The following SV2C variants were observed in gnomAD, a reference collection of about 807,000 sequenced individuals.
SV2C encodes synaptic vesicle glycoprotein 2C.
A neutral mutation model predicts 79.7 loss-of-function variants in SV2C; 49 were observed. The ratio of observed to expected loss-of-function variants is 0.61; its 90% CI spans 0.49 to 0.78. The LOEUF (loss-of-function observed/expected upper bound fraction) is 0.78, where lower values mean the gene tolerates loss of function less well. SV2C is among the 30% of genes least tolerant of loss of function. The pLI is 0.00. For missense variants in SV2C, 833 were observed against 912.9 expected, an observed-to-expected ratio of 0.91 and a Z score of 1.13; for synonymous variants, 334 against 333.2, an observed-to-expected ratio of 1.00 and a Z score of -0.03.
At chr5:76,348,385 G>A (rs925223587) in intron 12 of SV2C, among the ~76,000 whole-genome samples, 3 of 152,192 alleles carry the variant, frequency 2.0e-5, no homozygotes, top group Non-Finnish European at 4.4e-5. Flanking sequence ...CAATTATAAG[G>A]AAAGCTGCTA....
At chr5:76,012,130 G>A in the SV2C span, among the ~76,000 whole-genome samples, 31 of 152,080 alleles carry the variant, frequency 2.0e-4, no homozygotes, top group Non-Finnish European at 3.8e-4. Context: ...ATCCAGTAAC[G>A]GGATTGCTGG....
the SV2C span, among the ~76,000 whole-genome samples, chr5:76,077,849 G>A: frequency 6.6e-6 from 1 of 152,244 alleles, no homozygotes; most frequent in African/African-American, 2.4e-5. Context: ...CTGGCCACCA[G>A]AGAGGTGGCC....
the SV2C span, among the ~76,000 whole-genome samples, chr5:76,073,052 A>G: frequency 3.9e-5 from 6 of 152,292 alleles, no homozygotes; most frequent in East Asian, 1.9e-4. Context: ...TGGGCTATCA[A>G]TTCTGCTGAT....
chr5:76,141,114 A>G (rs6865212), intron 2 of SV2C, among the ~76,000 whole-genome samples: 62,038 of 152,004 alleles, frequency 0.41, 14,741 homozygotes, highest in Non-Finnish European at 0.54. Flanking sequence ...ATCCGAGTGG[A>G]GGTGGACTGA....
the SV2C span, among the ~76,000 whole-genome samples, chr5:76,037,504 C>T: frequency 7.5e-4 from 114 of 152,202 alleles, 2 homozygotes; most frequent in Non-Finnish European, 6.6e-4. Flanking sequence ...AGTACCCGGC[C>T]GTGTGAGGTG....
At chr5:76,202,585 CT>C (rs373666023) in intron 3 of SV2C, among the ~76,000 whole-genome samples, 147 of 152,340 alleles carry the variant, frequency 9.6e-4, no homozygotes, top group Middle Eastern at 3.4e-3. Context: ...CCAAAAATAT[CT>C]CTGGCCCCAG....
chr5:75,969,055 A>T, the SV2C span, among the ~76,000 whole-genome samples: 1 of 152,200 alleles, frequency 6.6e-6, no homozygotes, highest in Non-Finnish European at 1.5e-5. Flanking sequence ...TCAACCCAGA[A>T]TTTCATACCC....
rs149497344 is a variant in SV2C, at chr5:76,258,041, T to A, written c.914-27121T>A. Among the ~76,000 whole-genome samples the A allele has an allele frequency of 4.7e-5, 7 of 148,822 alleles. No individual in the cohort carries two copies. The East Asian group carries it at 1.4e-3, about 30-fold the overall frequency. On this transcript the variant is annotated intron_variant, in intron 4 of 12. Transcript: ENST00000502798. ...TGTGTGGGGTGTGGATTGTGTGGTG[T>A]ATGGTATATGATATATGTGTTTATG... is the stretch of plus-strand genomic sequence containing the variant.
chr5:75,869,994 C>G, the SV2C span, among the ~76,000 whole-genome samples: 5 of 152,124 alleles, frequency 3.3e-5, no homozygotes, highest in African/African-American at 7.2e-5. Flanking sequence ...TTACAACACT[C>G]AAGTCCTTTC....
chr5:76,170,061 TTTTTTA>T (rs1303070885), intron 2 of SV2C, among the ~76,000 whole-genome samples: 17 of 152,286 alleles, frequency 1.1e-4, no homozygotes, highest in East Asian at 3.9e-4. Flanking sequence ...CCTATTTTAT[TTTTTTA>T]TTTTTATTTT....
At chr5:76,035,739 A>G in the SV2C span, among the ~76,000 whole-genome samples, 1 of 152,058 alleles carries the variant, frequency 6.6e-6, no homozygotes, top group African/African-American at 2.4e-5. Context: ...TGGGGTGGAG[A>G]GTTCTGTAGA....
chr5:75,984,778 T>C, the SV2C span, among the ~76,000 whole-genome samples: 2 of 152,196 alleles, frequency 1.3e-5, no homozygotes, highest in East Asian at 3.9e-4. Flanking sequence ...AGACTCGAAC[T>C]GAAGCTGCAA....
Position 76,316,586 on chromosome 5 carries a change from T to A in SV2C, c.2001-8778T>A, listed in dbSNP as rs7704673. Among the ~76,000 whole-genome samples the A allele has an allele frequency of 2.4e-3, 369 of 152,014 alleles. 3 individuals are homozygous for A. The highest frequency in any genetic ancestry group is 8.4e-3 in the African/African-American group (348 of 41,438). On this transcript the variant is annotated intron_variant, in intron 12 of 12. Coordinates refer to ENST00000502798, the MANE Select transcript of SV2C (RefSeq NM_014979.4). ...TAGGTTGAAAACACCTGCTTGGGAG[T>A]AGGAAATTTATTTAGGGGCTGGAGG...
At chr5:76,069,226 T>C in the SV2C span, among the ~76,000 whole-genome samples, 25 of 152,194 alleles carry the variant, frequency 1.6e-4, no homozygotes, top group African/African-American at 6.0e-4. Context: ...ACCATATGCT[T>C]TGAGAATCAA....
chr5:75,895,376 T>C, the SV2C span, among the ~76,000 whole-genome samples: 6 of 152,264 alleles, frequency 3.9e-5, no homozygotes, highest in South Asian at 8.3e-4. Context: ...CTATTTTAAA[T>C]ATGTTCAAAT....
chr5:76,109,970 C>G (rs963736337), intron 1 of SV2C, among the ~76,000 whole-genome samples: 2 of 152,164 alleles, frequency 1.3e-5, no homozygotes, highest in Non-Finnish European at 2.9e-5. Context: ...TAAGTCAACT[C>G]TGATTTTCCA....
At chr5:75,949,410 G>C in the SV2C span, among the ~76,000 whole-genome samples, 1 of 151,972 alleles carries the variant, frequency 6.6e-6, no homozygotes, top group Non-Finnish European at 1.5e-5. Flanking sequence ...GGAGAGTAGG[G>C]GCAAAAGTAG....
chr5:76,079,431 A>C (rs766936099), upstream of SV2C: 11 of 294,574 alleles, frequency 3.7e-5, no homozygotes, highest in Non-Finnish European at 6.2e-5. Context: ...CTGATAGAAG[A>C]CTGCATTCCA....
At chr5:76,176,540 C>G (rs1345139874) in intron 2 of SV2C, among the ~76,000 whole-genome samples, 1 of 152,168 alleles carries the variant, frequency 6.6e-6, no homozygotes, top group Non-Finnish European at 1.5e-5. Context: ...CATAAACACC[C>G]TCTGCTTCAA....
Sources: allele counts gnomAD v4.1 joint callset (sites outside exome capture counted in the v4.1 genomes callset), GRCh38; gene constraint gnomAD v4.1.1; transcripts MANE v1.5; gene names NCBI Gene and HGNC (gene_info 2026-07-23, HGNC 2026-07-21).